Variants in PCDHAC2 observed in about 807,000 individuals in gnomAD.
PCDHAC2 encodes protocadherin alpha subfamily C, 2.
Under a neutral mutation model 63.3 loss-of-function variants are expected in PCDHAC2, and 24 were observed. The observed-to-expected ratio is 0.38, with a 90% CI of 0.27 to 0.53. The LOEUF is 0.53. Among genes scored for constraint, PCDHAC2 ranks in the 20% least tolerant of loss-of-function variants. PCDHAC2 has a pLI of 0.81. For missense variants in PCDHAC2, 1,181 were observed against 1,275.2 expected, an observed-to-expected ratio of 0.93 and a Z score of 1.12; for synonymous variants, 569 against 529.4, an observed-to-expected ratio of 1.07 and a Z score of -1.03.
At chr5:141,003,087 G>A (rs894210434) in intron 3 of PCDHAC2, among the ~76,000 whole-genome samples, 4 of 152,198 alleles carry the variant, frequency 2.6e-5, no homozygotes, top group Non-Finnish European at 5.9e-5. Flanking sequence ...AGTTTAACAG[G>A]CCTGGCATTT....
At chr5:140,990,224 G>T (rs1368393390) in intron 3 of PCDHAC2, among the ~76,000 whole-genome samples, 1 of 152,160 alleles carries the variant, frequency 6.6e-6, no homozygotes, top group Non-Finnish European at 1.5e-5. Flanking sequence ...GAAGTTTATT[G>T]TAACTAGCGT....
intron 1 of PCDHAC2, among the ~76,000 whole-genome samples, chr5:140,974,580 T>C (rs2153804250): frequency 6.6e-6 from 1 of 152,286 alleles, no homozygotes; most frequent in South Asian, 2.1e-4. Context: ...GGCATGATCT[T>C]GGCTCACTGC....
At chr5:140,979,386 A>C (rs1374804536) in intron 2 of PCDHAC2, among the ~76,000 whole-genome samples, 1 of 152,142 alleles carries the variant, frequency 6.6e-6, no homozygotes, top group East Asian at 1.9e-4. Flanking sequence ...TGTGCAATGT[A>C]TACATACATG....
intron 1 of PCDHAC2, 55 bp downstream of exon 1, chr5:140,969,386 C>G (rs782109093): frequency 6.3e-7 from 1 of 1,596,966 alleles, no homozygotes; most frequent in South Asian, 1.1e-5. Flanking sequence ...TACACATCCC[C>G]CAATATCCTG....
Position 140,967,201 on chromosome 5 carries a change from A to G in PCDHAC2, c.435A>G (p.Ser145=), listed in dbSNP as rs1554229306. ...EVEILDINDN[S]PRFPRPNYQL... ...AAATATTGGACATCAACGACAACTC[A>G]CCGCGTTTCCCGCGGCCCAACTACC... is the stretch of plus-strand genomic sequence containing the variant. Residue 145 remains serine (S), a synonymous_variant, in exon 1 of 4, where the codon TCA becomes TCG. Coordinates refer to ENST00000289269, the MANE Select transcript of PCDHAC2 (RefSeq NM_018899.6). 7 of 1,613,620 alleles carry G rather than the reference A, an allele frequency of 4.3e-6. No homozygotes were observed. Among genetic ancestry groups the G allele is most frequent in the Non-Finnish European group, 5.9e-6 (7 of 1,179,830 alleles).
At chr5:140,976,992 A>G (rs1421149242) in intron 1 of PCDHAC2, among the ~76,000 whole-genome samples, 3 of 152,200 alleles carry the variant, frequency 2.0e-5, no homozygotes, top group Admixed American at 2.0e-4. Context: ...TTACTGCCAT[A>G]AGAAATCTTG....
chr5:140,969,178 C>G lies in PCDHAC2; in HGVS notation c.2412C>G (p.Asp804Glu), dbSNP rs2096303822. The G allele has an allele frequency of 6.2e-7, 1 of 1,613,978 alleles. No individual in the cohort carries two copies. Among genetic ancestry groups the G allele is most frequent in the South Asian group, 1.1e-5 (1 of 91,066 alleles). ...KACLTAGSGSDTFMFYNTGAQ... is the reference protein window; with the variant it reads ...KACLTAGSGSETFMFYNTGAQ... Reference sequence around the variant, plus strand: ...GTCTGACAGCAGGCTCAGGGAGTGACACTTTCATGTTTTACAATACAGGGG... The same window carrying G: ...GTCTGACAGCAGGCTCAGGGAGTGAGACTTTCATGTTTTACAATACAGGGG... Residue 804 changes from aspartate to glutamate, a missense_variant, in exon 1 of 4, where the codon GAC (aspartate) becomes GAG (glutamate). Around this residue, in one of 3 missense-constraint regions of PCDHAC2, gnomAD observed 968 missense variants for 1,073.5 expected, o/e 0.90. Coordinates refer to ENST00000289269, the MANE Select transcript of PCDHAC2 (RefSeq NM_018899.6).
intron 3 of PCDHAC2, among the ~76,000 whole-genome samples, chr5:140,997,698 ATGTT>A (rs1297045627): frequency 1.4e-5 from 2 of 145,558 alleles, no homozygotes; most frequent in African/African-American, 5.1e-5. Flanking sequence ...GTGTGTGTGT[ATGTT>A]AACAAACACC....
intron 3 of PCDHAC2, among the ~76,000 whole-genome samples, chr5:140,985,189 G>A (rs1440212716): frequency 3.3e-5 from 5 of 152,004 alleles, no homozygotes; most frequent in African/African-American, 9.7e-5. Context: ...CGCCTGCCTC[G>A]GTCTCCCAAA....
intron 3 of PCDHAC2, 48 bp from the exon 4 acceptor site, chr5:141,009,579 A>T: frequency 6.3e-7 from 1 of 1,586,202 alleles, no homozygotes; most frequent in Non-Finnish European, 8.6e-7. Context: ...TGTGGCATCA[A>T]GAGCATGTGT....
intron 3 of PCDHAC2, among the ~76,000 whole-genome samples, chr5:140,987,510 C>A (rs1225122300): frequency 6.6e-6 from 1 of 152,184 alleles, no homozygotes; most frequent in Non-Finnish European, 1.5e-5. Flanking sequence ...ACCTCTGCCA[C>A]TCAGTAATTG....
intron 1 of PCDHAC2, among the ~76,000 whole-genome samples, chr5:140,970,530 T>C (rs1554232541): frequency 6.6e-6 from 1 of 151,424 alleles, no homozygotes; most frequent in Non-Finnish European, 1.5e-5. Context: ...GATGAATATG[T>C]GTGTGTGTTT....
chr5:140,966,724 CGCCTCCGGCCCTGCCCGGCT>C lies in PCDHAC2; in HGVS notation c.-35_-16del, dbSNP rs1563354102. On this transcript the variant is annotated 5_prime_UTR_variant, in exon 1 of 4. Coordinates refer to ENST00000289269, the MANE Select transcript of PCDHAC2 (RefSeq NM_018899.6). Reference sequence around the variant, plus strand: ...CGTGGGGCACGGCTGGGGAAGCTGCCGCCTCCGGCCCTGCCCGGCTGCCTCCGCCGCGGCCAGTGGCTATG... The same window carrying C: ...CGTGGGGCACGGCTGGGGAAGCTGCCGCCTCCGCCGCGGCCAGTGGCTATG... The C allele has an allele frequency of 7.2e-7, 1 of 1,396,284 alleles. No homozygotes were observed. Among genetic ancestry groups the C allele is most frequent in the Admixed American group, 3.3e-5 (1 of 30,266 alleles). The allele number at this position is 1,396,284 out of a possible 1,614,324, so 86.5% of individuals were successfully genotyped here.
At position 140,966,854 on chromosome 5, in the gene PCDHAC2, C is replaced by G; in HGVS notation, c.88C>G (p.Leu30Val). The part of the protein sequence containing the change: ...MPWLLLLPLL[L>V]LLLLLLPGPA... Reference sequence around the variant, plus strand: ...CTGGCTGCTGCTACTGCCTCTCCTGCTGCTGTTGCTGCTGCTGCTACCTGG... The same window carrying G: ...CTGGCTGCTGCTACTGCCTCTCCTGGTGCTGTTGCTGCTGCTGCTACCTGG... Residue 30 changes from leucine to valine, a missense_variant, in exon 1 of 4, where the codon CTG becomes GTG. Leu to Val is a conservative substitution (Grantham distance 32, BLOSUM62 1). Transcript: ENST00000289269. The G allele has an allele frequency of 6.4e-7, 1 of 1,573,744 alleles. No homozygotes were observed. Among genetic ancestry groups the G allele is most frequent in the Non-Finnish European group, 8.6e-7 (1 of 1,163,676 alleles).
chr5:140,999,854 C>T (rs1459226420), intron 3 of PCDHAC2, among the ~76,000 whole-genome samples: 4 of 152,112 alleles, frequency 2.6e-5, no homozygotes, highest in Admixed American at 1.3e-4. Context: ...TTATCTCTTC[C>T]GCTCCAAGAT....
At chr5:140,978,520 C>T (rs2096807249) in intron 1 of PCDHAC2, among the ~76,000 whole-genome samples, 1 of 152,214 alleles carries the variant, frequency 6.6e-6, no homozygotes, top group Non-Finnish European at 1.5e-5. Flanking sequence ...GCAGTCCAGC[C>T]AGGCCAGCAG....
rs782681619 is a variant in PCDHAC2, at chr5:141,009,600, A to G, written c.2714-27A>G. On this transcript the variant is annotated intron_variant, in intron 3 of 3. Coordinates refer to ENST00000289269, the MANE Select transcript of PCDHAC2 (RefSeq NM_018899.6). ...ATCAAGAGCATGTGTTGACCCTGTT[A>G]ATGATTTGTAATGTTTTGTCTTTCA... The G allele has an allele frequency of 1.9e-6, 3 of 1,607,002 alleles. No individual in the cohort carries two copies. In the Admixed American group the frequency reaches 5.0e-5, roughly 27 times the overall value.
intron 3 of PCDHAC2, among the ~76,000 whole-genome samples, chr5:140,999,748 G>A (rs1563643254): frequency 1.3e-5 from 2 of 152,188 alleles, no homozygotes; most frequent in South Asian, 2.1e-4. Flanking sequence ...ATCTGGGTTC[G>A]CAGCACATGA....
chr5:140,978,894 C>G, intron 1 of PCDHAC2, 55 bp from the exon 2 acceptor site: 1 of 1,612,598 alleles, frequency 6.2e-7, no homozygotes, highest in South Asian at 1.1e-5. Flanking sequence ...AGCAGCATTC[C>G]TGGGAGAACA....
Sources: allele counts gnomAD v4.1 joint callset (sites outside exome capture counted in the v4.1 genomes callset), GRCh38; gene constraint gnomAD v4.1.1; regional missense constraint gnomAD v4.1.1; transcripts MANE v1.5; gene names NCBI Gene and HGNC (gene_info 2026-07-23, HGNC 2026-07-21).